The following AKR1B15 variants were observed in gnomAD, a reference collection of about 807,000 sequenced individuals.
The protein encoded by AKR1B15 is aldo-keto reductase family 1 member B15.
In AKR1B15, 49 loss-of-function variants were observed where a neutral mutation model predicts 38.5. The ratio of observed to expected loss-of-function variants is 1.27; its 90% CI spans 1.01 to 1.62. The LOEUF (loss-of-function observed/expected upper bound fraction) is 1.62, where lower values mean the gene tolerates loss of function less well. Ranked by LOEUF, AKR1B15 falls within the 40% of genes most tolerant of loss-of-function variation. The pLI is 0.00. For synonymous variants in AKR1B15, 137 were observed against 135.5 expected (o/e 1.01, Z -0.08); for missense variants, 411 against 381.6 (o/e 1.08, Z -0.64).
intron 5 of AKR1B15, 163 bp downstream of exon 5, chr7:134,569,692 C>T (rs562045253): frequency 6.0e-5 from 41 of 682,962 alleles, no homozygotes; most frequent in Admixed American, 3.6e-4. Context: ...TAATTTCTTA[C>T]GCCTGTCTTT....
At chr7:134,563,768 T>C (rs1794472852) in intron 2 of AKR1B15, among the ~76,000 whole-genome samples, 1 of 152,172 alleles carries the variant, frequency 6.6e-6, no homozygotes, top group South Asian at 2.1e-4. Flanking sequence ...TCACAAATGG[T>C]TCCTAGTAGA....
At chr7:134,565,459 C>T in intron 3 of AKR1B15, 1 of 1,612,812 alleles carries the variant, frequency 6.2e-7, no homozygotes, top group Non-Finnish European at 8.5e-7. Context: ...CCTGCTCACT[C>T]AGAATCATTT....
chr7:134,579,272 A>G (rs1407557727), intron 11 of AKR1B15, among the ~76,000 whole-genome samples: 4 of 152,136 alleles, frequency 2.6e-5, no homozygotes, highest in African/African-American at 4.8e-5. Context: ...GCTTACCGTG[A>G]GTTGTCATTA....
At position 134,579,574 on chromosome 7, in the gene AKR1B15, A is replaced by G. The variant is rs1268675657; in HGVS notation, c.*25A>G. ...AGGTTGAATCTCCTGGTGAGATTAC[A>G]CAGGGGATTCTCTTTCTTCGCTGAA... On this transcript the variant is annotated 3_prime_UTR_variant, in exon 12 of 12. Coordinates refer to ENST00000457545, the MANE Select transcript of AKR1B15 (RefSeq NM_001080538.3). 2 of 1,570,630 alleles carry G rather than the reference A, an allele frequency of 1.3e-6. No individual in the cohort carries two copies. Among genetic ancestry groups the G allele is most frequent in the Non-Finnish European group, 1.7e-6 (2 of 1,156,928 alleles).
chr7:134,558,167 C>T (rs747021194), intron 2 of AKR1B15, among the ~76,000 whole-genome samples: 1 of 152,090 alleles, frequency 6.6e-6, no homozygotes, highest in Non-Finnish European at 1.5e-5. Context: ...AGAATTTACA[C>T]CCTGGCCAAA....
chr7:134,562,844 TTCTTTCTTTCTTTCTTTCTTTC>T (rs1794440696), intron 2 of AKR1B15, among the ~76,000 whole-genome samples: 2 of 75,330 alleles, frequency 2.7e-5, no homozygotes, highest in African/African-American at 1.4e-4. Context: ...CTTTCTTTCT[TTCTTTCTTTCTTTCTTTCTTTC>T]TTTCTTTCTT....
rs372681162 is a variant in AKR1B15 at position 134,577,014 on chromosome 7, A to G, written c.877A>G (p.Met293Val). The part of the protein sequence containing the change: ...QRNVTVIPKS[M>V]TPAHIVENIQ... Reference sequence around the variant, plus strand: ...GAATGTGACAGTGATCCCCAAGTCTATGACACCAGCACACATTGTTGAGAA... The same window carrying G: ...GAATGTGACAGTGATCCCCAAGTCTGTGACACCAGCACACATTGTTGAGAA... Residue 293 changes from methionine (M) to valine (V), a missense_variant, in exon 10 of 12, where the codon ATG becomes GTG. By Grantham distance (21) the Met-to-Val change is conservative. Around this residue, in one of 3 missense-constraint regions of AKR1B15, gnomAD observed 133 missense variants for 120.3 expected, o/e 1.11. Transcript: ENST00000457545. The G allele has an allele frequency of 3.8e-5, 61 of 1,613,834 alleles. No homozygotes were observed. Among genetic ancestry groups the G allele is most frequent in the South Asian group, 1.1e-4 (10 of 91,068 alleles).
At chr7:134,571,710 G>C in intron 6 of AKR1B15, 29 bp downstream of exon 6, 2 of 1,567,010 alleles carry the variant, frequency 1.3e-6, no homozygotes, top group South Asian at 2.2e-5. Flanking sequence ...TAAGTGTGCT[G>C]GGAGAGAAAT....
At chr7:134,574,732 G>C (rs1192120798) in intron 6 of AKR1B15, among the ~76,000 whole-genome samples, 4 of 152,202 alleles carry the variant, frequency 2.6e-5, no homozygotes, top group East Asian at 1.9e-4. Context: ...CCCAATAAAG[G>C]CTAAAAATTA....
chr7:134,578,386 G>A (rs1203248887), intron 11 of AKR1B15, among the ~76,000 whole-genome samples: 1 of 152,190 alleles, frequency 6.6e-6, no homozygotes, highest in Non-Finnish European at 1.5e-5. Context: ...CAGGTGCAAA[G>A]TCCCTGAGGT....
rs1353342403 is a variant in AKR1B15 at position 134,576,969 on chromosome 7, A to G, written c.832A>G (p.Ile278Val). ...KHKKTTAQVL[I>V]RFHIQRNVTV... is the part of the protein sequence containing the mutation. ...ATGTCCCCTTTCTGCACAGGTTCTG[A>G]TCCGTTTCCATATCCAGAGGAATGT... is the stretch of plus-strand genomic sequence containing the variant. Residue 278 changes from isoleucine (I) to valine (V), a missense_variant, in exon 10 of 12, where the codon ATC (isoleucine) becomes GTC (valine). Around this residue, in one of 3 missense-constraint regions of AKR1B15, gnomAD observed 133 missense variants for 120.3 expected, o/e 1.11. Coordinates refer to ENST00000457545, the MANE Select transcript of AKR1B15 (RefSeq NM_001080538.3). 3 of 1,613,572 alleles carry G rather than the reference A, an allele frequency of 1.9e-6. No homozygotes were observed. The highest frequency in any genetic ancestry group is 2.5e-6 in the Non-Finnish European group (3 of 1,179,558).
At chr7:134,565,405 C>G (rs1562948128) in intron 3 of AKR1B15, 2 of 1,608,246 alleles carry the variant, frequency 1.2e-6, no homozygotes, top group South Asian at 1.1e-5. Context: ...CACGAACCCT[C>G]TGGAAGGAAC....
intron 1 of AKR1B15, among the ~76,000 whole-genome samples, chr7:134,551,156 C>T (rs895772561): frequency 5.3e-5 from 8 of 152,128 alleles, no homozygotes; most frequent in African/African-American, 1.9e-4. Flanking sequence ...CCATTTCCAC[C>T]ACCCTATAAC....
chr7:134,551,218 G>A (rs1037788730), intron 1 of AKR1B15, among the ~76,000 whole-genome samples: 1 of 152,102 alleles, frequency 6.6e-6, no homozygotes, highest in Non-Finnish European at 1.5e-5. Context: ...ATCCTCTGTG[G>A]CCTCTCTGCC....
intron 1 of AKR1B15, among the ~76,000 whole-genome samples, chr7:134,554,366 C>A (rs969038030): frequency 3.9e-5 from 6 of 152,168 alleles, no homozygotes; most frequent in Non-Finnish European, 8.8e-5. Context: ...AGCTTCGGAT[C>A]TTCAAGCCAG....
intron 6 of AKR1B15, among the ~76,000 whole-genome samples, chr7:134,572,271 GATTAGACC>G (rs1794683386): frequency 6.6e-6 from 1 of 152,154 alleles, no homozygotes; most frequent in Non-Finnish European, 1.5e-5. Context: ...GCAGAGCTGG[GATTAGACC>G]CAGACTCATC....
intron 2 of AKR1B15, among the ~76,000 whole-genome samples, chr7:134,564,202 C>T (rs915214136): frequency 6.6e-6 from 1 of 152,144 alleles, no homozygotes; most frequent in African/African-American, 2.4e-5. Context: ...CTTCATTATC[C>T]TACTATCACA....
intron 1 of AKR1B15, among the ~76,000 whole-genome samples, chr7:134,553,363 C>G (rs970601670): frequency 2.6e-5 from 4 of 152,184 alleles, no homozygotes; most frequent in African/African-American, 9.7e-5. Flanking sequence ...CCAAATATCT[C>G]AAAACCATTT....
chr7:134,567,481 A>G (rs549734847), intron 3 of AKR1B15, among the ~76,000 whole-genome samples: 3 of 152,276 alleles, frequency 2.0e-5, no homozygotes, highest in African/African-American at 4.8e-5. Flanking sequence ...CCTGTGTGTC[A>G]GGTAATGTGG....
Sources: allele counts gnomAD v4.1 joint callset (sites outside exome capture counted in the v4.1 genomes callset), GRCh38; gene constraint gnomAD v4.1.1; regional missense constraint gnomAD v4.1.1; transcripts MANE v1.5; gene names NCBI Gene and HGNC (gene_info 2026-07-23, HGNC 2026-07-21).